PCNX2: variants seen among roughly 807,000 people sequenced by gnomAD.
PCNX2 encodes pecanex 2.
A neutral mutation model predicts 223.8 loss-of-function variants in PCNX2; 168 were observed. The observed-to-expected ratio is 0.75, with a 90% CI of 0.66 to 0.85. The LOEUF is 0.85. Among genes scored for constraint, PCNX2 ranks in the 40% least tolerant of loss-of-function variants. The probability of loss-of-function intolerance (pLI) is 0.00; values close to 1 mark genes in which losing one functional copy is unlikely to be tolerated. For synonymous variants in PCNX2, 1,006 were observed against 1,052.6 expected (o/e 0.96, Z 0.86); for missense variants, 2,507 against 2,675.5 (o/e 0.94, Z 1.39).
At chr1:233,067,783 A>T (rs1020807356) in intron 23 of PCNX2, among the ~76,000 whole-genome samples, 1 of 152,174 alleles carries the variant, frequency 6.6e-6, no homozygotes, top group African/African-American at 2.4e-5. Flanking sequence ...AATAACTAAA[A>T]TTTTAAAAAT....
At chr1:233,291,136 C>T (rs908569594) in intron 1 of PCNX2, 2 of 970,144 alleles carry the variant, frequency 2.1e-6, no homozygotes, top group Non-Finnish European at 2.5e-6. Flanking sequence ...TCGGATGCTA[C>T]AGGACCTCAG....
At chr1:233,004,511 A>C (rs1670209435) in intron 28 of PCNX2, among the ~76,000 whole-genome samples, 1 of 150,618 alleles carries the variant, frequency 6.6e-6, no homozygotes, top group African/African-American at 2.5e-5. Flanking sequence ...TATCACGGCC[A>C]CCTCTTACAA....
intron 23 of PCNX2, among the ~76,000 whole-genome samples, chr1:233,074,136 A>G (rs746159182): frequency 2.6e-5 from 4 of 152,060 alleles, no homozygotes; most frequent in Non-Finnish European, 5.9e-5. Flanking sequence ...TTAATTTTCT[A>G]TTTTATTCTA....
Position 233,227,365 on chromosome 1 carries a change from T to G in PCNX2, c.2365A>C (p.Ser789Arg). Residue 789 changes from serine to arginine, a missense_variant, in exon 10 of 34, where the codon AGT becomes CGT. Coordinates refer to ENST00000258229, the MANE Select transcript of PCNX2 (RefSeq NM_014801.4). ...RTQSETPRHV[S>R]QDLEASSCSS... The stretch of plus-strand genomic sequence containing the variant: ...CATGACGAGGCTTCCAGATCCTGAC[T>G]CACATGCTTTTAGATACCAAAAGAA... The G allele has an allele frequency of 6.2e-7, 1 of 1,612,400 alleles. No individual in the cohort carries two copies. The highest frequency in any genetic ancestry group is 2.2e-5 in the East Asian group (1 of 44,818).
At chr1:233,324,513 T>C in the PCNX2 span, among the ~76,000 whole-genome samples, 2 of 152,040 alleles carry the variant, frequency 1.3e-5, no homozygotes, top group East Asian at 3.9e-4. Context: ...TTAAGAATTA[T>C]GCTAAATCTA....
Position 233,179,000 on chromosome 1 carries a change from G to A in PCNX2, c.3176+66C>T, listed in dbSNP as rs1348677355. On this transcript the variant is annotated intron_variant, in intron 16 of 33. Transcript: ENST00000258229. ...ATTGCTGTCTGCCCATCTCAGTCAGGGCACAAAGCTGCAGGAACTATGCCC... is the reference window on the plus strand; with the variant it reads ...ATTGCTGTCTGCCCATCTCAGTCAGAGCACAAAGCTGCAGGAACTATGCCC... 5 of 1,432,612 alleles carry A rather than the reference G, an allele frequency of 3.5e-6. No individual in the cohort carries two copies. In the Admixed American group the frequency reaches 5.2e-5, roughly 15 times the overall value. The allele number at this position is 1,432,612 out of a possible 1,614,324, so 88.7% of individuals were successfully genotyped here.
intron 19 of PCNX2, among the ~76,000 whole-genome samples, chr1:233,155,469 G>A (rs1678063902): frequency 6.6e-6 from 1 of 152,190 alleles, no homozygotes; most frequent in East Asian, 1.9e-4. Flanking sequence ...TTTTCTGAAT[G>A]AGTGACTAGT....
At chr1:233,318,797 C>A in the PCNX2 span, among the ~76,000 whole-genome samples, 22 of 152,144 alleles carry the variant, frequency 1.4e-4, no homozygotes, top group East Asian at 1.4e-3. Flanking sequence ...AAACTCCCGA[C>A]CTGAAGTGAT....
Position 233,255,695 on chromosome 1 carries a change from A to T in PCNX2, c.1834+2333T>A, listed in dbSNP as rs76610021. 1.7e-3 allele frequency among the ~76,000 whole-genome samples: 254 copies of T among 152,334 alleles called. 2 individuals are homozygous for T. The East Asian group carries it at 0.037, about 22-fold the overall frequency. On this transcript the variant is annotated intron_variant, in intron 5 of 33. Coordinates refer to ENST00000258229, the MANE Select transcript of PCNX2 (RefSeq NM_014801.4). The stretch of plus-strand genomic sequence containing the variant: ...TGGGCTGGAAATAAGAGTACATTAG[A>T]GAGAACTGGAGAATTGTGTATCTTT...
At chr1:233,124,493 C>T (rs935807170) in intron 21 of PCNX2, among the ~76,000 whole-genome samples, 4 of 152,176 alleles carry the variant, frequency 2.6e-5, no homozygotes, top group East Asian at 1.9e-4. Context: ...CTATGACCAC[C>T]ACCTTATTTC....
At chr1:233,195,172 T>C (rs569631752) in intron 15 of PCNX2, among the ~76,000 whole-genome samples, 249 of 152,284 alleles carry the variant, frequency 1.6e-3, no homozygotes, top group Non-Finnish European at 2.2e-3. Flanking sequence ...GGTTCTACAC[T>C]GAACAATTTA....
At chr1:233,137,954 C>T (rs1484076252) in intron 20 of PCNX2, among the ~76,000 whole-genome samples, 1 of 152,184 alleles carries the variant, frequency 6.6e-6, no homozygotes, top group Non-Finnish European at 1.5e-5. Flanking sequence ...AGTACAATGG[C>T]TCTCAAAAAT....
chr1:233,016,604 G>C (rs540467666), intron 27 of PCNX2, among the ~76,000 whole-genome samples: 1 of 152,232 alleles, frequency 6.6e-6, no homozygotes, highest in South Asian at 2.1e-4. Context: ...AGACACACTT[G>C]GTAGGGAAAT....
chr1:233,100,510 C>A (rs542898611), intron 21 of PCNX2, among the ~76,000 whole-genome samples: 2 of 151,648 alleles, frequency 1.3e-5, no homozygotes, highest in Admixed American at 1.3e-4. Context: ...TTTCAAATGA[C>A]CTATTTTGGA....
chr1:233,081,778 A>C (rs574590360), intron 23 of PCNX2, among the ~76,000 whole-genome samples: 2 of 152,074 alleles, frequency 1.3e-5, no homozygotes, highest in African/African-American at 4.8e-5. Flanking sequence ...GACCTGTCCT[A>C]CTCTGAGCAA....
chr1:233,321,105 G>A, the PCNX2 span, among the ~76,000 whole-genome samples: 4 of 128,904 alleles, frequency 3.1e-5, no homozygotes, highest in African/African-American at 5.9e-5. Flanking sequence ...TGCAAGCTCC[G>A]CCTCCGGGGT....
At chr1:233,264,186 C>T (rs1406449552) in intron 1 of PCNX2, among the ~76,000 whole-genome samples, 1 of 152,200 alleles carries the variant, frequency 6.6e-6, no homozygotes. Context: ...TCCTAATTCT[C>T]TCCAGGACCA....
At chr1:233,161,980 A>G (rs1295400081) in intron 17 of PCNX2, among the ~76,000 whole-genome samples, 1 of 148,160 alleles carries the variant, frequency 6.7e-6, no homozygotes, top group Non-Finnish European at 1.5e-5. Context: ...ATATATTTAT[A>G]TATACATATA....
chr1:233,170,025 C>A (rs770114367), intron 17 of PCNX2, among the ~76,000 whole-genome samples: 1 of 152,204 alleles, frequency 6.6e-6, no homozygotes, highest in African/African-American at 2.4e-5. Context: ...TTAAGATTCA[C>A]TCATGCATTG....
Sources: allele counts gnomAD v4.1 joint callset (sites outside exome capture counted in the v4.1 genomes callset), GRCh38; gene constraint gnomAD v4.1.1; transcripts MANE v1.5; gene names NCBI Gene and HGNC (gene_info 2026-07-23, HGNC 2026-07-21).